The following KDM7A variants were observed in gnomAD, a reference collection of about 807,000 sequenced individuals.
KDM7A encodes lysine demethylase 7A, also known as lysine-specific demethylase 7A.
In KDM7A, 28 loss-of-function variants were observed where a neutral mutation model predicts 114.8. That is an observed-to-expected ratio of 0.24 (90% CI 0.18 to 0.33). The LOEUF (loss-of-function observed/expected upper bound fraction) is 0.33, where lower values mean the gene tolerates loss of function less well. Ranked by LOEUF, KDM7A falls within the 10% of genes least tolerant of loss-of-function variation. The probability of loss-of-function intolerance (pLI) is 1.00; values close to 1 mark genes in which losing one functional copy is unlikely to be tolerated. For synonymous variants in KDM7A, 423 were observed against 397.8 expected, an observed-to-expected ratio of 1.06 and a Z score of -0.75; for missense variants, 942 against 1,142.5, an observed-to-expected ratio of 0.82 and a Z score of 2.53.
At position 140,176,906 on chromosome 7, in the gene KDM7A, C is replaced by T; in HGVS notation, c.32G>A (p.Gly11Glu). ...TGCCGCGGCGGCTCCAGCTGCTGCT[C>T]CCGCGGCCACCGCCGCCGCCGCTCC... MAGAAAAVAA[G>E]AAAGAAAAAV... is the part of the protein sequence containing the mutation. The change falls in exon 1 of 20, where the codon GGA (glycine) becomes GAA (glutamate). Residue 11 changes from glycine (G) to glutamate (E), a missense_variant. By Grantham distance (98) the Gly-to-Glu change is moderately conservative. Around this residue, in one of 4 missense-constraint regions of KDM7A, gnomAD observed 112 missense variants for 96.2 expected, o/e 1.16. Coordinates refer to ENST00000397560, the MANE Select transcript of KDM7A (RefSeq NM_030647.2). The surrounding 1 kb of genome is among the most constrained non-coding windows in gnomAD (Gnocchi z 4.4). The T allele has an allele frequency of 8.5e-7, 1 of 1,172,696 alleles. No individual in the cohort carries two copies. The highest frequency in any genetic ancestry group is 1.1e-6 in the Non-Finnish European group (1 of 943,448). The allele number at this position is 1,172,696 out of a possible 1,614,324, so 72.6% of individuals were successfully genotyped here.
intron 1 of KDM7A, among the ~76,000 whole-genome samples, chr7:140,159,779 G>A (rs1271089338): frequency 6.6e-6 from 1 of 152,130 alleles, no homozygotes; most frequent in Non-Finnish European, 1.5e-5. Context: ...GGCTAGACCT[G>A]ATGGGATCCA....
rs200558985 is a variant in KDM7A at position 140,126,677 on chromosome 7, A to G, written c.848T>C (p.Ile283Thr). The part of the protein sequence containing the change: ...GVQDSYTDFH[I>T]DFGGTSVWYH... The stretch of plus-strand genomic sequence containing the variant: ...CCAGACTGAAGTTCCACCGAAGTCA[A>G]TGTGGAAATCTGTATAGCTGTCTTG... Residue 283 changes from isoleucine to threonine, a missense_variant, in exon 6 of 20, where the codon ATT (isoleucine) becomes ACT (threonine). Transcript: ENST00000397560. The G allele has an allele frequency of 6.2e-7, 1 of 1,613,522 alleles. No individual in the cohort carries two copies. Among genetic ancestry groups the G allele is most frequent in the Non-Finnish European group, 8.5e-7 (1 of 1,179,650 alleles).
At position 140,126,834 on chromosome 7, in the gene KDM7A, A is replaced by G. The variant is rs1275568537; in HGVS notation, c.702-11T>C. On this transcript the variant is annotated splice_polypyrimidine_tract_variant and intron_variant, in intron 5 of 19. Coordinates refer to ENST00000397560, the MANE Select transcript of KDM7A (RefSeq NM_030647.2). ...ACCAATTCAGACATCCTTTCAAAAA[A>G]CAAACATACACACACACCCACATCA... is the stretch of plus-strand genomic sequence containing the variant. The G allele has an allele frequency of 6.9e-6, 11 of 1,599,042 alleles. No homozygotes were observed. The East Asian group carries it at 2.2e-4, about 32-fold the overall frequency.
chr7:140,122,935 T>C (rs117074806), intron 7 of KDM7A, among the ~76,000 whole-genome samples: 3,407 of 152,296 alleles, frequency 0.022, 97 homozygotes, highest in East Asian at 0.13. Context: ...ACCCACAAAA[T>C]GGGAGCAAAT....
intron 17 of KDM7A, among the ~76,000 whole-genome samples, 154 bp downstream of exon 17, chr7:140,096,401 A>G (rs190676547): frequency 6.6e-6 from 1 of 152,322 alleles, no homozygotes; most frequent in African/African-American, 2.4e-5. Context: ...ATCTTACGTG[A>G]TATGTCAGCA....
At chr7:140,166,806 CAAA>C (rs1794581135) in intron 1 of KDM7A, among the ~76,000 whole-genome samples, 1 of 152,110 alleles carries the variant, frequency 6.6e-6, no homozygotes, top group Non-Finnish European at 1.5e-5. Context: ...TAAGTGAAAT[CAAA>C]TAGAGGCATA....
intron 11 of KDM7A, among the ~76,000 whole-genome samples, chr7:140,103,061 C>T (rs2116756063): frequency 6.6e-6 from 1 of 152,242 alleles, no homozygotes; most frequent in African/African-American, 2.4e-5. Context: ...TGCCATCCAT[C>T]TCGAGAAGCT....
chr7:140,152,560 G>A (rs1179350296), intron 1 of KDM7A, among the ~76,000 whole-genome samples: 2 of 151,740 alleles, frequency 1.3e-5, no homozygotes, highest in Admixed American at 6.6e-5. Context: ...GGAGGCGGAG[G>A]TTACAGTGTG....
chr7:140,087,087 C>A lies in KDM7A; in HGVS notation c.*4007G>T, dbSNP rs565955058. On this transcript the variant is annotated 3_prime_UTR_variant, in exon 20 of 20. Transcript: ENST00000397560. ...GGCGTCTCCTTTCCTACACTGGTTT[C>A]TTTCTACCAAGCAAACTGTTGGTAC... 6.6e-6 allele frequency: 1 copy of A among 152,318 alleles called. No homozygotes were observed. Among genetic ancestry groups the A allele is most frequent in the Admixed American group, 6.5e-5 (1 of 15,302 alleles). The allele number at this position is 152,318 out of a possible 1,614,324, so 9.4% of individuals were successfully genotyped here. A position where few individuals can be genotyped will look rare whatever the true frequency, so the allele number is the denominator to read the frequency against.
chr7:140,097,140 G>T (rs957980568), intron 15 of KDM7A, 93 bp from the exon 16 acceptor site: 4 of 863,530 alleles, frequency 4.6e-6, no homozygotes, highest in Non-Finnish European at 7.0e-6. Flanking sequence ...TCTAGAGAAA[G>T]TCAGAATCTT....
At chr7:140,099,193 G>A (rs376647200) in intron 13 of KDM7A, among the ~76,000 whole-genome samples, 160 bp from the exon 14 acceptor site, 7 of 151,894 alleles carry the variant, frequency 4.6e-5, no homozygotes, top group South Asian at 2.1e-4. Flanking sequence ...TCTGAGGTTC[G>A]TTTTTTGTTT....
At position 140,126,803 on chromosome 7, in the gene KDM7A, A is replaced by T; in HGVS notation, c.722T>A (p.Val241Asp). 1 of 1,613,336 alleles carries T rather than the reference A, an allele frequency of 6.2e-7. No homozygotes were observed. Among genetic ancestry groups the T allele is most frequent in the Non-Finnish European group, 8.5e-7 (1 of 1,179,602 alleles). Reference protein sequence around the residue: ...SDTKMSELVEVPDIAKKLSWV... With the variant: ...SDTKMSELVEDPDIAKKLSWV... ...GGAAAGTTTTTTGGCTATATCAGGG[A>T]CCTCCACCAATTCAGACATCCTTTC... Residue 241 changes from valine to aspartate, a missense_variant, in exon 6 of 20, where the codon GTC becomes GAC. Val to Asp is a radical substitution (Grantham distance 152, BLOSUM62 -3). Around this residue, in one of 4 missense-constraint regions of KDM7A, gnomAD observed 318 missense variants for 453.1 expected, o/e 0.70. Coordinates refer to ENST00000397560, the MANE Select transcript of KDM7A (RefSeq NM_030647.2).
rs1344656725 is a variant in KDM7A at position 140,115,864 on chromosome 7, A to T, written c.1247-2282T>A. 4.0e-5 allele frequency among the ~76,000 whole-genome samples: 5 copies of T among 124,818 alleles called. No individual in the cohort carries two copies. In the East Asian group the frequency reaches 1.0e-3, roughly 26 times the overall value. The allele number at this position is 124,818 out of a possible 152,430, so 81.9% of individuals were successfully genotyped here. A position where few individuals can be genotyped will look rare whatever the true frequency, so the allele number is the denominator to read the frequency against. On this transcript the variant is annotated intron_variant, in intron 9 of 19. Coordinates refer to ENST00000397560, the MANE Select transcript of KDM7A (RefSeq NM_030647.2). ...TAATAGTACAAGAAAAGTAAAAAAA[A>T]AAAATAAATGTCATACAATATTTTT...
intron 1 of KDM7A, among the ~76,000 whole-genome samples, chr7:140,168,688 G>C (rs1794605383): frequency 6.6e-6 from 1 of 151,994 alleles, no homozygotes; most frequent in South Asian, 2.1e-4. Flanking sequence ...AAGTAACTTT[G>C]GAAAACAATA....
At position 140,098,873 on chromosome 7, in the gene KDM7A, A is replaced by C. The variant is rs768681263; in HGVS notation, c.1918+6T>G. On this transcript the variant is annotated splice_donor_region_variant and intron_variant, in intron 14 of 19. Coordinates refer to ENST00000397560, the MANE Select transcript of KDM7A (RefSeq NM_030647.2). ...GATCTTTAAAATAACCATTAAAAAA[A>C]CATACCATTCAGTGGTTTTTGAGAT... is the stretch of plus-strand genomic sequence containing the variant. The C allele has an allele frequency of 6.2e-7, 1 of 1,600,724 alleles. No individual in the cohort carries two copies. The highest frequency in any genetic ancestry group is 2.2e-5 in the East Asian group (1 of 44,820).
In KDM7A at chr7:140,089,050, G is replaced by C. The variant is rs752530420; in HGVS notation, c.*2044C>G. ...AACCCAAAATAAAAACATGACTATTGTAACACCGACTCAGGATCTACAGAA... is the reference window on the plus strand; with the variant it reads ...AACCCAAAATAAAAACATGACTATTCTAACACCGACTCAGGATCTACAGAA... On this transcript the variant is annotated 3_prime_UTR_variant, in exon 20 of 20. Coordinates refer to ENST00000397560, the MANE Select transcript of KDM7A (RefSeq NM_030647.2). 2 of 152,022 alleles carry C rather than the reference G, an allele frequency of 1.3e-5. No individual in the cohort carries two copies. Among genetic ancestry groups the C allele is most frequent in the African/African-American group, 2.4e-5 (1 of 41,394 alleles). 9.4% of individuals were successfully genotyped at this position (152,022 alleles called of 1,614,324 possible). A position where few individuals can be genotyped will look rare whatever the true frequency, so the allele number is the denominator to read the frequency against.
chr7:140,123,005 A>T (rs1160552960), intron 7 of KDM7A, among the ~76,000 whole-genome samples: 1 of 152,242 alleles, frequency 6.6e-6, no homozygotes. Flanking sequence ...ATGCTTACAA[A>T]CTCAACAATT....
At chr7:140,175,782 C>G (rs538483971) in intron 1 of KDM7A, among the ~76,000 whole-genome samples, 3 of 150,834 alleles carry the variant, frequency 2.0e-5, no homozygotes, top group Non-Finnish European at 4.4e-5. Context: ...GCCAGCCGGC[C>G]CCGCAGCGTC....
At chr7:140,130,390 G>A (rs1370155253) in intron 3 of KDM7A, among the ~76,000 whole-genome samples, 1 of 152,130 alleles carries the variant, frequency 6.6e-6, no homozygotes, top group Non-Finnish European at 1.5e-5. Context: ...GGAGGCTGAG[G>A]TGAGTGGATC....
Sources: gnomAD v4.1 joint callset for allele counts (sites outside exome capture counted in the v4.1 genomes callset) on GRCh38, gnomAD v4.1.1 for gene constraint, gnomAD v4.1.1 regional missense constraint, Gnocchi (gnomAD v3.1) non-coding constraint, MANE v1.5 for transcripts, NCBI Gene and HGNC (gene_info 2026-07-23, HGNC 2026-07-21) for gene names.